Variants in CHD4 observed in about 807,000 individuals in gnomAD.
The protein encoded by CHD4 is chromodomain helicase DNA binding protein 4.
A neutral mutation model predicts 235.5 loss-of-function variants in CHD4; 35 were observed. That is an observed-to-expected ratio of 0.15 (90% CI 0.11 to 0.20). The LOEUF (loss-of-function observed/expected upper bound fraction) is 0.20. Among genes scored for constraint, CHD4 ranks in the 10% least tolerant of loss-of-function variants. The pLI is 1.00. For missense variants in CHD4, 1,329 were observed against 2,432.3 expected, an observed-to-expected ratio of 0.55 and a Z score of 9.54; for synonymous variants, 900 against 850.2, an observed-to-expected ratio of 1.06 and a Z score of -1.02.
intron 12 of CHD4, 112 bp downstream of exon 12, chr12:6,597,781 CA>C (rs540852336): frequency 1.6e-5 from 16 of 996,440 alleles, no homozygotes; most frequent in African/African-American, 4.8e-5. Context: ...AAAAAACAAA[CA>C]AAAAAAACCA....
intron 22 of CHD4, among the ~76,000 whole-genome samples, chr12:6,589,692 G>A (rs1250115217): frequency 7.9e-5 from 12 of 151,534 alleles, no homozygotes; most frequent in Non-Finnish European, 4.4e-5. Flanking sequence ...GCTTGAACCC[G>A]GGAGGCAGAG....
intron 31 of CHD4, 125 bp from the exon 32 acceptor site, chr12:6,581,513 G>C: frequency 1.3e-6 from 2 of 1,519,294 alleles, no homozygotes; most frequent in South Asian, 2.3e-5. Context: ...CCTATTCTTA[G>C]GACGGCCCTC....
chr12:6,588,552 T>A, intron 22 of CHD4, 130 bp from the exon 23 acceptor site: 1 of 962,710 alleles, frequency 1.0e-6, no homozygotes, highest in Non-Finnish European at 1.5e-6. Flanking sequence ...CAGAGACAGG[T>A]GGATCATTTG....
At position 6,581,898 on chromosome 12, in the gene CHD4, G is replaced by C. The variant is rs566149129; in HGVS notation, c.4516-84C>G. On this transcript the variant is annotated intron_variant, in intron 30 of 39. Transcript: ENST00000544040. ...TGGCCTTCCAGTCTCCGCCTCCCGG[G>C]TTCAAGCAATTCTCCTGCCTCAGCC... 188 of 1,444,178 alleles carry C rather than the reference G, an allele frequency of 1.3e-4. No individual in the cohort carries two copies. In the African/African-American group the frequency reaches 2.6e-3, roughly 20 times the overall value. 89.5% of individuals were successfully genotyped at this position (1,444,178 alleles called of 1,614,324 possible).
At chr12:6,601,162 C>T (rs1948582903) in intron 6 of CHD4, 109 bp from the exon 7 acceptor site, 1 of 1,524,044 alleles carries the variant, frequency 6.6e-7, no homozygotes, top group Non-Finnish European at 8.8e-7. Context: ...AATTTCCCTC[C>T]AAAATCCAAG....
In CHD4 at chr12:6,587,700, T is replaced by C. The variant is rs759559001; in HGVS notation, c.3703+12A>G. The C allele has an allele frequency of 2.5e-6, 4 of 1,613,180 alleles. No individual in the cohort carries two copies. In the Admixed American group the frequency reaches 5.0e-5, roughly 20 times the overall value. On this transcript the variant is annotated intron_variant, in intron 24 of 39. Coordinates refer to ENST00000544040, the MANE Select transcript of CHD4 (RefSeq NM_001273.5). ...AGCCCCACACCAAAACGTAAGTTCC[T>C]GACTACCTCACCTCCATCAGTGGCT...
At chr12:6,582,549 A>G in intron 29 of CHD4, 66 bp downstream of exon 29, 3 of 1,547,624 alleles carry the variant, frequency 1.9e-6, no homozygotes, top group Non-Finnish European at 2.6e-6. Context: ...GCCTAGAACC[A>G]TGGAATGACC....
chr12:6,595,902 G>GT, intron 13 of CHD4, 104 bp downstream of exon 13: 1 of 1,293,126 alleles, frequency 7.7e-7, no homozygotes, highest in South Asian at 1.5e-5. Context: ...AGGTTGCAGT[G>GT]AGTCAAGATC....
intron 33 of CHD4, 194 bp downstream of exon 33, chr12:6,580,850 T>C: frequency 3.3e-6 from 2 of 600,300 alleles, no homozygotes; most frequent in East Asian, 5.6e-5. Context: ...CTACTAAAAA[T>C]ACAAAAATTA....
chr12:6,589,624 G>A (rs1001679418), intron 22 of CHD4, among the ~76,000 whole-genome samples: 2 of 150,358 alleles, frequency 1.3e-5, no homozygotes, highest in East Asian at 2.0e-4. Flanking sequence ...AAAATTAGCC[G>A]GGCGTGGTGG....
chr12:6,596,157 A>G lies in CHD4; in HGVS notation c.1893-20T>C. The G allele has an allele frequency of 1.2e-6, 2 of 1,609,834 alleles. No individual in the cohort carries two copies. Among genetic ancestry groups the G allele is most frequent in the South Asian group, 1.1e-5 (1 of 90,298 alleles). Reference sequence around the variant, plus strand: ...TCCACACTGCAAGTCCAGGAGAGAAAACCCTCAGAGCCAGAAAAGGCAACC... The same window carrying G: ...TCCACACTGCAAGTCCAGGAGAGAAGACCCTCAGAGCCAGAAAAGGCAACC... On this transcript the variant is annotated intron_variant, in intron 12 of 39. Transcript: ENST00000544040.
intron 37 of CHD4, 122 bp downstream of exon 37, chr12:6,577,663 A>T: frequency 7.5e-7 from 1 of 1,341,694 alleles, no homozygotes; most frequent in South Asian, 1.3e-5. Flanking sequence ...TTGGGAGCAA[A>T]GCCTTCCATA....
chr12:6,602,497 T>G lies in CHD4; in HGVS notation c.101A>C (p.Glu34Ala), dbSNP rs938695963. Residue 34 changes from glutamate (E) to alanine (A), a missense_variant and splice_region_variant, in exon 3 of 40, where the codon GAA becomes GCA. Transcript: ENST00000544040. ...LNNSLPPPHPENEEDPEEDLS... is the reference protein window; with the variant it reads ...LNNSLPPPHPANEEDPEEDLS... ...ATCCTCTTCTGGGTCCTCTTCATTT[T>G]CTACATATATTTGGCAAAGAGTGGT... is the stretch of plus-strand genomic sequence containing the variant. 1.6e-5 allele frequency: 26 copies of G among 1,611,154 alleles called. No homozygotes were observed. The highest frequency in any genetic ancestry group is 1.6e-4 in the Middle Eastern group (1 of 6,074).
At position 6,570,620 on chromosome 12, in the gene CHD4, A is replaced by G; in HGVS notation, c.*56T>C. On this transcript the variant is annotated 3_prime_UTR_variant, in exon 40 of 40. Transcript: ENST00000544040. ...AGGCCCCCAGGGGAGAAGCTGGGAC[A>G]AGAGAAAGTGAGGAAGGTCACTGCT... 1.2e-6 allele frequency: 2 copies of G among 1,611,216 alleles called. No individual in the cohort carries two copies. The highest frequency in any genetic ancestry group is 1.7e-6 in the Non-Finnish European group (2 of 1,177,410).
At chr12:6,604,239 A>C (rs1459087374) in intron 2 of CHD4, among the ~76,000 whole-genome samples, 1 of 152,122 alleles carries the variant, frequency 6.6e-6, no homozygotes, top group Non-Finnish European at 1.5e-5. Context: ...CGCACACTGC[A>C]CTCCAACCTT....
At position 6,591,810 on chromosome 12, in the gene CHD4, G is replaced by A; in HGVS notation, c.3106C>T (p.Pro1036Ser). ...GCACTGCCATCATACATGCCATTAG[G>A]CATCTTAGGAGCTTCCTGAGAACAA... ...PVAAMEAPKM[P>S]NGMYDGSALI... Residue 1036 changes from proline (P) to serine (S), a missense_variant, in exon 21 of 40, where the codon CCT (proline) becomes TCT (serine). By Grantham distance (74) the Pro-to-Ser change is moderately conservative (BLOSUM62 -1). This residue lies in a region of CHD4 where 39 missense variants were observed against 83.8 expected (regional missense o/e 0.47). Transcript: ENST00000544040. 1 of 1,614,140 alleles carries A rather than the reference G, an allele frequency of 6.2e-7. No individual in the cohort carries two copies. The highest frequency in any genetic ancestry group is 8.5e-7 in the Non-Finnish European group (1 of 1,180,020).
At chr12:6,578,977 C>G (rs1948122152) in intron 33 of CHD4, 60 bp from the exon 34 acceptor site, 3 of 1,478,556 alleles carry the variant, frequency 2.0e-6, no homozygotes, top group Admixed American at 3.4e-5. Context: ...CTCTGTTGCA[C>G]ACTATTATCC....
intron 37 of CHD4, among the ~76,000 whole-genome samples, chr12:6,577,373 G>A (rs189617762): frequency 2.4e-3 from 365 of 150,070 alleles, no homozygotes; most frequent in Non-Finnish European, 4.5e-3. Flanking sequence ...AGTGAGCAGA[G>A]GCTGCATCAC....
Position 6,578,869 on chromosome 12 carries a change from G to A in CHD4, c.4958C>T (p.Thr1653Ile), listed in dbSNP as rs939413746. Reference sequence around the variant, plus strand: ...ACCTTTGTCTTCTACCACAATAGGGGTCAGATCTATTGCTGACTTTTCCTC... The same window carrying A: ...ACCTTTGTCTTCTACCACAATAGGGATCAGATCTATTGCTGACTTTTCCTC... ...KVEEKSAIDL[T>I]PIVVEDKEEK... Residue 1653 changes from threonine to isoleucine, a missense_variant, in exon 34 of 40, where the codon ACC becomes ATC. By Grantham distance (89) the Thr-to-Ile change is moderately conservative (BLOSUM62 -1). This residue lies in a region of CHD4 where 219 missense variants were observed against 219.3 expected (regional missense o/e 1.00). Transcript: ENST00000544040. The A allele has an allele frequency of 1.2e-6, 2 of 1,614,192 alleles. No individual in the cohort carries two copies. The highest frequency in any genetic ancestry group is 1.1e-5 in the South Asian group (1 of 91,084).
Sources: allele counts gnomAD v4.1 joint callset (sites outside exome capture counted in the v4.1 genomes callset), GRCh38; gene constraint gnomAD v4.1.1; regional missense constraint gnomAD v4.1.1; transcripts MANE v1.5; gene names NCBI Gene and HGNC (gene_info 2026-07-23, HGNC 2026-07-21).